Variants in NFKB1 observed in about 807,000 individuals in gnomAD.
The protein encoded by NFKB1 is nuclear factor kappa B subunit 1.
Under a neutral mutation model 105.1 loss-of-function variants are expected in NFKB1, and 9 were observed. The observed-to-expected ratio is 0.09, with a 90% CI of 0.05 to 0.15. The LOEUF (loss-of-function observed/expected upper bound fraction) is 0.15. Among genes scored for constraint, NFKB1 ranks in the 10% least tolerant of loss-of-function variants. The probability of loss-of-function intolerance (pLI) is 1.00; values close to 1 mark genes in which losing one functional copy is unlikely to be tolerated. For synonymous variants in NFKB1, 440 were observed against 442.2 expected (o/e 1.00, Z 0.06); for missense variants, 830 against 1,203.7 (o/e 0.69, Z 4.59).
At chr4:102,591,663 G>GA (rs922351057) in intron 11 of NFKB1, among the ~76,000 whole-genome samples, 8 of 149,620 alleles carry the variant, frequency 5.3e-5, no homozygotes, top group Middle Eastern at 3.2e-3. Context: ...TGAGAAAAAA[G>GA]AAAAAAAAAG....
At chr4:102,539,220 G>C (rs1741837671) in intron 5 of NFKB1, among the ~76,000 whole-genome samples, 1 of 129,306 alleles carries the variant, frequency 7.7e-6, no homozygotes, top group African/African-American at 3.0e-5. Flanking sequence ...CTGGACAACA[G>C]AGCGAGACTC....
chr4:102,592,052 A>G (rs1366625990), intron 11 of NFKB1, among the ~76,000 whole-genome samples: 1 of 152,234 alleles, frequency 6.6e-6, no homozygotes, highest in Non-Finnish European at 1.5e-5. Flanking sequence ...TGTGGTGGAA[A>G]TAGCAAGAGA....
chr4:102,539,111 C>A (rs1741828088), intron 5 of NFKB1, among the ~76,000 whole-genome samples: 1 of 151,954 alleles, frequency 6.6e-6, no homozygotes, highest in South Asian at 2.1e-4. Flanking sequence ...GTGGTGTACA[C>A]CTGTAGTCCC....
chr4:102,593,554 G>A lies in NFKB1; in HGVS notation c.1196G>A (p.Gly399Glu), dbSNP rs772141760. Residue 399 changes from glycine (G) to glutamate (E), a missense_variant, in exon 12 of 24, where the codon GGA becomes GAA. Transcript: ENST00000226574. Reference protein sequence around the residue: ...FGSGGGGGGTGSTGPGYSFPH... With the variant: ...FGSGGGGGGTESTGPGYSFPH... The stretch of plus-strand genomic sequence containing the variant: ...AGTGGCGGTGGAGGAGGGGGCACTG[G>A]AAGTACAGGTCCAGGTACAAAAATA... 6 of 1,613,370 alleles carry A rather than the reference G, an allele frequency of 3.7e-6. No homozygotes were observed. The Admixed American group carries it at 5.0e-5, about 13-fold the overall frequency.
At chr4:102,578,064 C>T (rs1725010398) in intron 7 of NFKB1, 4 of 812,452 alleles carry the variant, frequency 4.9e-6, no homozygotes, top group Non-Finnish European at 6.0e-6. Flanking sequence ...TCAAAGTCTA[C>T]TACTTGGTAG....
Position 102,515,767 on chromosome 4 carries a change from A to T in NFKB1, c.-7-9745A>T, listed in dbSNP as rs775979469. Reference sequence around the variant, plus strand: ...TATATTGTCTTGTTTTGCTGTGAACAGTCAATCGTCTGTTTAGGAAATTAA... The same window carrying T: ...TATATTGTCTTGTTTTGCTGTGAACTGTCAATCGTCTGTTTAGGAAATTAA... On this transcript the variant is annotated intron_variant, in intron 1 of 23. Transcript: ENST00000226574. Among the ~76,000 whole-genome samples the T allele has an allele frequency of 2.7e-4, 41 of 152,318 alleles. 1 individual carries two copies. Among genetic ancestry groups the T allele is most frequent in the East Asian group, 1.9e-4 (1 of 5,182 alleles).
chr4:102,522,784 T>A (rs564318394), intron 1 of NFKB1, among the ~76,000 whole-genome samples: 7 of 152,302 alleles, frequency 4.6e-5, no homozygotes, highest in Admixed American at 3.9e-4. Context: ...AGGGCAAAGA[T>A]GGTTTTAATA....
rs1728531531 is a variant in NFKB1, at chr4:102,612,623, C to T, written c.2592+17C>T. 6.2e-7 allele frequency: 1 copy of T among 1,606,308 alleles called. No homozygotes were observed. The highest frequency in any genetic ancestry group is 8.5e-7 in the Non-Finnish European group (1 of 1,175,162). ...AACTATGAGGTAACACCTTACCTTA[C>T]AGATTTAGCAATTTTCATTTGACTT... On this transcript the variant is annotated intron_variant, in intron 22 of 23. Transcript: ENST00000226574.
intron 1 of NFKB1, among the ~76,000 whole-genome samples, chr4:102,514,030 C>A (rs1016888177): frequency 1.3e-5 from 2 of 151,840 alleles, no homozygotes. Context: ...AAAAACTTAG[C>A]CAGGCGTTGT....
intron 2 of NFKB1, 111 bp downstream of exon 2, chr4:102,525,668 T>A (rs1186117991): frequency 2.2e-6 from 2 of 926,676 alleles, no homozygotes; most frequent in African/African-American, 4.5e-5. Flanking sequence ...ATTAGTAAAT[T>A]TTTTTTTAAT....
Position 102,596,184 on chromosome 4 carries a change from A to C in NFKB1, c.1347A>C (p.Lys449Asn), listed in dbSNP as rs1304497007. ...ESKKDPEGCD[K>N]SDDKNTVNLF... ...AAAAGGACCCTGAAGGTTGTGACAA[A>C]AGTGATGACAAAAACACTGTAAACC... Residue 449 changes from lysine to asparagine, a missense_variant, in exon 14 of 24, where the codon AAA becomes AAC. Transcript: ENST00000226574. 5.6e-6 allele frequency: 9 copies of C among 1,612,598 alleles called. No individual in the cohort carries two copies. The highest frequency in any genetic ancestry group is 7.6e-6 in the Non-Finnish European group (9 of 1,178,910).
intron 15 of NFKB1, among the ~76,000 whole-genome samples, chr4:102,599,239 AT>A (rs1157006148): frequency 6.6e-6 from 1 of 152,148 alleles, no homozygotes; most frequent in East Asian, 1.9e-4. Flanking sequence ...CATCATGTCT[AT>A]GTCAGAGTTT....
Position 102,578,876 on chromosome 4 carries a change from C to G in NFKB1, c.572-5C>G. 1 of 1,613,872 alleles carries G rather than the reference C, an allele frequency of 6.2e-7. No homozygotes were observed. The highest frequency in any genetic ancestry group is 8.5e-7 in the Non-Finnish European group (1 of 1,179,898). ...GCATGAATGGACTGTGCTGTATGGC[C>G]CTAGATCGGGAAAAAGAGCTAATCC... On this transcript the variant is annotated splice_region_variant and splice_polypyrimidine_tract_variant and intron_variant, in intron 7 of 23. Transcript: ENST00000226574.
intron 5 of NFKB1, among the ~76,000 whole-genome samples, chr4:102,539,846 C>CT (rs908311312): frequency 7.2e-5 from 11 of 151,980 alleles, no homozygotes; most frequent in African/African-American, 2.7e-4. Context: ...ATTTGGGGTA[C>CT]TGGGGGCAGG....
chr4:102,596,392 CAGAA>C, intron 14 of NFKB1, 60 bp downstream of exon 14: 5 of 1,346,778 alleles, frequency 3.7e-6, no homozygotes, highest in Non-Finnish European at 5.0e-6. Flanking sequence ...GTCCTAGGTG[CAGAA>C]AGATATCTGC....
intron 2 of NFKB1, among the ~76,000 whole-genome samples, chr4:102,527,739 G>A (rs941243997): frequency 2.0e-5 from 3 of 151,960 alleles, no homozygotes; most frequent in Non-Finnish European, 4.4e-5. Context: ...TTTACCTTTC[G>A]CTTTTATTGT....
Position 102,616,701 on chromosome 4 carries a change from C to A in NFKB1, c.*107C>A. The A allele has an allele frequency of 8.9e-7, 1 of 1,128,736 alleles. No homozygotes were observed. The highest frequency in any genetic ancestry group is 1.2e-6 in the Non-Finnish European group (1 of 804,870). 69.9% of individuals were successfully genotyped at this position (1,128,736 alleles called of 1,614,324 possible). ...TCCAAAGGTGCTCAGAGAGCCGGCC[C>A]GCCTGAATCATTCTCGATTTAACTC... On this transcript the variant is annotated 3_prime_UTR_variant, in exon 24 of 24. Coordinates refer to ENST00000226574, the MANE Select transcript of NFKB1 (RefSeq NM_003998.4).
chr4:102,505,956 G>A lies in NFKB1; in HGVS notation c.-8+4168G>A, dbSNP rs144092698. On this transcript the variant is annotated intron_variant, in intron 1 of 23. Coordinates refer to ENST00000226574, the MANE Select transcript of NFKB1 (RefSeq NM_003998.4). The stretch of plus-strand genomic sequence containing the variant: ...TGCTTTGCCTTCTGGAAAGAAAGGA[G>A]CACAAAATAGTCCTTGTGTCTTAGA... Among the ~76,000 whole-genome samples the A allele has an allele frequency of 2.4e-3, 358 of 152,168 alleles. 3 individuals carry two copies. Among genetic ancestry groups the A allele is most frequent in the Middle Eastern group, 0.014 (4 of 294 alleles).
chr4:102,565,516 A>G (rs1723790991), intron 5 of NFKB1, among the ~76,000 whole-genome samples: 1 of 152,236 alleles, frequency 6.6e-6, no homozygotes, highest in Admixed American at 6.5e-5. Context: ...TCAATAAAAT[A>G]TGAATCCATT....
Sources: allele counts gnomAD v4.1 joint callset (sites outside exome capture counted in the v4.1 genomes callset), GRCh38; gene constraint gnomAD v4.1.1; transcripts MANE v1.5; gene names NCBI Gene and HGNC (gene_info 2026-07-23, HGNC 2026-07-21).